Variants in PTPRN2 observed in about 807,000 individuals in gnomAD.
The protein encoded by PTPRN2 is receptor-type tyrosine-protein phosphatase N2.
A neutral mutation model predicts 118.8 loss-of-function variants in PTPRN2; 74 were observed. The ratio of observed to expected loss-of-function variants is 0.62; its 90% CI spans 0.52 to 0.76. The LOEUF (loss-of-function observed/expected upper bound fraction) is 0.76, where lower values mean the gene tolerates loss of function less well. PTPRN2 is among the 30% of genes least tolerant of loss of function. The pLI is 0.00. For missense variants in PTPRN2, 1,481 were observed against 1,394.4 expected, an observed-to-expected ratio of 1.06 and a Z score of -0.99; for synonymous variants, 641 against 608.0, an observed-to-expected ratio of 1.05 and a Z score of -0.80.
rs953022872 is a variant in PTPRN2, at chr7:157,591,561, G to A, written c.2496+3677C>T. Among the ~76,000 whole-genome samples, 2 of 152,360 alleles carry A rather than the reference G, an allele frequency of 1.3e-5. No homozygotes were observed. Among genetic ancestry groups the A allele is most frequent in the Admixed American group, 1.3e-4 (2 of 15,310 alleles). ...TGGGTTTGGAAAAGTTCTGCCTTCCGTGGGAGGTTTTAAAGACAGGTGTTC... is the reference window on the plus strand; with the variant it reads ...TGGGTTTGGAAAAGTTCTGCCTTCCATGGGAGGTTTTAAAGACAGGTGTTC... On this transcript the variant is annotated intron_variant, in intron 17 of 22. Transcript: ENST00000389418. This position sits in a 1 kb window ranked among gnomAD's most constrained non-coding sequence, Gnocchi z 4.4.
chr7:157,627,163 T>TGTGCACCG lies in PTPRN2; in HGVS notation c.2197-5662_2197-5655dup, dbSNP rs1803636301. Among the ~76,000 whole-genome samples the TGTGCACCG allele has an allele frequency of 6.6e-6, 1 of 152,202 alleles. No individual in the cohort carries two copies. The highest frequency in any genetic ancestry group is 1.5e-5 in the Non-Finnish European group (1 of 68,046). On this transcript the variant is annotated intron_variant, in intron 14 of 22. Coordinates refer to ENST00000389418, the MANE Select transcript of PTPRN2 (RefSeq NM_002847.5). This position sits in a 1 kb window ranked among gnomAD's most constrained non-coding sequence, Gnocchi z 4.2. ...CTTCTCAGTGGCCTCCAGGCACCAG[T>TGTGCACCG]GTGCACCGCACCTGCAGCTGGGTCT...
In PTPRN2 at chr7:158,258,265, T is replaced by C. The variant is rs187567124; in HGVS notation, c.278-52992A>G. On this transcript the variant is annotated intron_variant, in intron 3 of 22. Coordinates refer to ENST00000389418, the MANE Select transcript of PTPRN2 (RefSeq NM_002847.5). ...GCTCCAGGGTGAACACAGGCCGTCC[T>C]GAATCAGCCGCTGACGCCTCCCCCG... Among the ~76,000 whole-genome samples the C allele has an allele frequency of 4.6e-5, 7 of 152,302 alleles. No homozygotes were observed. The East Asian group carries it at 1.2e-3, about 25-fold the overall frequency.
chr7:158,219,327 G>T (rs568692245), intron 3 of PTPRN2, among the ~76,000 whole-genome samples: 1 of 152,182 alleles, frequency 6.6e-6, no homozygotes, highest in East Asian at 1.9e-4. Context: ...TTTGGGTAAA[G>T]AATGAAATTA....
At chr7:157,756,197 C>T (rs1235456162) in intron 12 of PTPRN2, among the ~76,000 whole-genome samples, 2 of 152,160 alleles carry the variant, frequency 1.3e-5, no homozygotes, top group Non-Finnish European at 2.9e-5. Context: ...GTGGCACTTC[C>T]AAAAGAGTTT....
intron 3 of PTPRN2, among the ~76,000 whole-genome samples, chr7:158,279,241 T>G (rs147696154): frequency 1.3e-5 from 2 of 152,346 alleles, no homozygotes; most frequent in African/African-American, 4.8e-5. Context: ...TTTGACAGAG[T>G]GCTGGTTGGT....
intron 12 of PTPRN2, among the ~76,000 whole-genome samples, chr7:157,886,565 C>T (rs924464480): frequency 2.4e-4 from 37 of 152,334 alleles, no homozygotes; most frequent in African/African-American, 6.3e-4. Context: ...GCCAGCGCAA[C>T]GTGGAAACCT....
At chr7:157,783,638 A>T (rs1803823588) in intron 12 of PTPRN2, among the ~76,000 whole-genome samples, 1 of 151,738 alleles carries the variant, frequency 6.6e-6, no homozygotes, top group Non-Finnish European at 1.5e-5. Flanking sequence ...GTATGGCAGT[A>T]AACAAGATTC....
intron 14 of PTPRN2, 60 bp from the exon 15 acceptor site, chr7:157,621,569 C>A: frequency 1.9e-6 from 3 of 1,592,936 alleles, no homozygotes; most frequent in Non-Finnish European, 2.6e-6. Context: ...CCGGCAGATG[C>A]ACAAAAGGCA....
chr7:158,348,344 A>G (rs1807680738), intron 2 of PTPRN2, among the ~76,000 whole-genome samples: 3 of 133,840 alleles, frequency 2.2e-5, no homozygotes, highest in Non-Finnish European at 4.7e-5. Flanking sequence ...CCCCATTCAC[A>G]GCCCCAGAGC....
intron 2 of PTPRN2, among the ~76,000 whole-genome samples, chr7:158,476,458 CATGA>C: frequency 6.6e-6 from 1 of 152,276 alleles, no homozygotes; most frequent in African/African-American, 2.4e-5. Context: ...GTTGCCAGCA[CATGA>C]ATGACTGTAA....
At chr7:158,023,252 G>A (rs956596489) in intron 11 of PTPRN2, among the ~76,000 whole-genome samples, 10 of 152,140 alleles carry the variant, frequency 6.6e-5, no homozygotes, top group African/African-American at 1.9e-4. Flanking sequence ...AGCTCACCAC[G>A]TAAGCGCTCC....
intron 3 of PTPRN2, among the ~76,000 whole-genome samples, chr7:158,208,893 G>C (rs1347648815): frequency 6.6e-6 from 1 of 152,082 alleles, no homozygotes; most frequent in Non-Finnish European, 1.5e-5. Flanking sequence ...AAAAAGTAGG[G>C]GGATGAAGCT....
At chr7:157,708,939 C>T (rs917919635) in intron 12 of PTPRN2, among the ~76,000 whole-genome samples, 1 of 152,210 alleles carries the variant, frequency 6.6e-6, no homozygotes, top group Non-Finnish European at 1.5e-5. Flanking sequence ...TCTACTAGAG[C>T]CTGCACCCCA....
At chr7:158,288,091 CTATTT>C (rs1476589024) in intron 3 of PTPRN2, among the ~76,000 whole-genome samples, 6 of 152,182 alleles carry the variant, frequency 3.9e-5, no homozygotes, top group East Asian at 3.9e-4. Context: ...GACATGAAGT[CTATTT>C]TATTTAAGTA....
chr7:158,159,680 A>G (rs1822185697), intron 6 of PTPRN2, among the ~76,000 whole-genome samples: 2 of 150,434 alleles, frequency 1.3e-5, no homozygotes, highest in African/African-American at 4.8e-5. Context: ...TGGTTCATTT[A>G]GAAAACGGTG....
chr7:158,587,353 T>C (rs1222032755), intron 1 of PTPRN2, among the ~76,000 whole-genome samples: 1 of 74,822 alleles, frequency 1.3e-5, no homozygotes, highest in African/African-American at 5.6e-5. Context: ...CTTCCCTGCA[T>C]GCCCCCTCAC....
At position 157,785,931 on chromosome 7, in the gene PTPRN2, G is replaced by A. The variant is rs1804007983; in HGVS notation, c.1789-102994C>T. Among the ~76,000 whole-genome samples, 1 of 152,122 alleles carries A rather than the reference G, an allele frequency of 6.6e-6. No homozygotes were observed. Among genetic ancestry groups the A allele is most frequent in the South Asian group, 2.1e-4 (1 of 4,822 alleles). On this transcript the variant is annotated intron_variant, in intron 12 of 22. Transcript: ENST00000389418. This position sits in a 1 kb window ranked among gnomAD's most constrained non-coding sequence, Gnocchi z 7.3. ...AGCCTGCTCACCTGGGTAGCAGGGTGGGAGGGCCGGGTGGGGATGGCTGCA... is the reference window on the plus strand; with the variant it reads ...AGCCTGCTCACCTGGGTAGCAGGGTAGGAGGGCCGGGTGGGGATGGCTGCA...
At chr7:157,981,971 C>T (rs1227907204) in intron 11 of PTPRN2, among the ~76,000 whole-genome samples, 174 of 151,816 alleles carry the variant, frequency 1.1e-3, no homozygotes, top group Middle Eastern at 3.4e-3. Flanking sequence ...ATGCAGAGTG[C>T]AGGGTACCGC....
intron 21 of PTPRN2, among the ~76,000 whole-genome samples, chr7:157,551,633 C>T (rs1298072350): frequency 2.1e-4 from 30 of 144,236 alleles, no homozygotes; most frequent in African/African-American, 6.4e-4. Context: ...ACAGCCACCA[C>T]GCACCCCACA....
Sources: allele counts gnomAD v4.1 joint callset (sites outside exome capture counted in the v4.1 genomes callset), GRCh38; gene constraint gnomAD v4.1.1; non-coding constraint Gnocchi (gnomAD v3.1); transcripts MANE v1.5; gene names NCBI Gene and HGNC (gene_info 2026-07-23, HGNC 2026-07-21).